Variants in AP2A2 observed in about 807,000 individuals in gnomAD.
AP2A2 encodes the protein adaptor related protein complex 2 subunit alpha 2.
AP2A2 carries 32 observed loss-of-function variants against 104.2 expected under a neutral mutation model. The ratio of observed to expected loss-of-function variants is 0.31; its 90% CI spans 0.23 to 0.41. AP2A2 has a LOEUF of 0.41. AP2A2 is among the 10% of genes least tolerant of loss of function. The pLI is 1.00. For missense variants in AP2A2, 912 were observed against 1,261.0 expected (o/e 0.72, Z 4.19); for synonymous variants, 539 against 533.3 (o/e 1.01, Z -0.15).
At chr11:973,622 C>T (rs898756267) in intron 4 of AP2A2, among the ~76,000 whole-genome samples, 6 of 151,904 alleles carry the variant, frequency 3.9e-5, no homozygotes, top group Admixed American at 6.6e-5. Flanking sequence ...AGCATGTGGG[C>T]GCCCCGAAAA....
At position 994,249 on chromosome 11, in the gene AP2A2, G is replaced by A. The variant is rs368546679; in HGVS notation, c.1956+4G>A. On this transcript the variant is annotated splice_donor_region_variant and intron_variant, in intron 14 of 21. Transcript: ENST00000448903. ...CCCAGCCAGTACCAGCGCCGTGGTG[G>A]GTCCCTCACCTACTGTGCACCCAGA... 1 of 1,612,614 alleles carries A rather than the reference G, an allele frequency of 6.2e-7. No individual in the cohort carries two copies. The highest frequency in any genetic ancestry group is 1.7e-5 in the Admixed American group (1 of 59,986).
At chr11:983,150 T>A (rs2133698625) in intron 6 of AP2A2, among the ~76,000 whole-genome samples, 1 of 150,408 alleles carries the variant, frequency 6.6e-6, no homozygotes, top group South Asian at 2.1e-4. Context: ...CCCGAGTAGC[T>A]GGGACTACAG....
intron 1 of AP2A2, among the ~76,000 whole-genome samples, chr11:943,869 G>A (rs1283209698): frequency 7.1e-6 from 1 of 139,972 alleles, no homozygotes; most frequent in Non-Finnish European, 1.5e-5. Context: ...GATGGCAAGA[G>A]TAAGAGAGTC....
intron 17 of AP2A2, 43 bp downstream of exon 17, chr11:1,006,660 G>A (rs1194616553): frequency 3.4e-6 from 5 of 1,485,044 alleles, no homozygotes; most frequent in South Asian, 1.2e-5. Context: ...ACAGCATAAT[G>A]TGGGGCTTAG....
chr11:934,687 C>T (rs1853395055), intron 1 of AP2A2, among the ~76,000 whole-genome samples: 1 of 152,010 alleles, frequency 6.6e-6, no homozygotes, highest in Non-Finnish European at 1.5e-5. Context: ...CTTTAAAATC[C>T]CTCTGATGGC....
chr11:992,333 C>G lies in AP2A2; in HGVS notation c.1270-170C>G, dbSNP rs1418556219. The stretch of plus-strand genomic sequence containing the variant: ...CTTAAGTCAGGGCATCTTAAACTTT[C>G]TGGGCTCGTGGGCTTTTTTGAGAAT... On this transcript the variant is annotated intron_variant, in intron 10 of 21. Coordinates refer to ENST00000448903, the MANE Select transcript of AP2A2 (RefSeq NM_012305.4). This position sits in a 1 kb window ranked among gnomAD's most constrained non-coding sequence, Gnocchi z 6.4. 7.2e-6 allele frequency: 5 copies of G among 698,176 alleles called. No homozygotes were observed. Among genetic ancestry groups the G allele is most frequent in the Non-Finnish European group, 1.2e-5 (5 of 409,776 alleles). 43.2% of individuals were successfully genotyped at this position (698,176 alleles called of 1,614,324 possible). A position where few individuals can be genotyped will look rare whatever the true frequency, so the allele number is the denominator to read the frequency against.
In AP2A2 at chr11:986,839, C is replaced by T. The variant is rs1374191461; in HGVS notation, c.1017C>T (p.His339=). The T allele has an allele frequency of 1.9e-6, 3 of 1,612,938 alleles. No homozygotes were observed. Among genetic ancestry groups the T allele is most frequent in the Non-Finnish European group, 2.5e-6 (3 of 1,179,712 alleles). Residue 339 remains histidine (H), a synonymous_variant, in exon 9 of 22, where the codon CAC becomes CAT. Transcript: ENST00000448903. ...ACNQLGQFLQ[H]RETNLRYLAL... is the part of the protein sequence containing the mutation. ...ACCAGTTGGGCCAGTTTCTGCAGCA[C>T]CGCGAGACCAACCTGCGCTACCTGG... is the stretch of plus-strand genomic sequence containing the variant.
intron 6 of AP2A2, among the ~76,000 whole-genome samples, chr11:983,243 C>T (rs551292074): frequency 1.3e-5 from 2 of 151,878 alleles, no homozygotes; most frequent in East Asian, 1.9e-4. Context: ...TGGTTGCGAA[C>T]TCCCGACCTC....
In AP2A2 at chr11:976,354, A is replaced by G. The variant is rs1855037847; in HGVS notation, c.474-741A>G. On this transcript the variant is annotated intron_variant, in intron 4 of 21. Transcript: ENST00000448903. ...AAGGTAAATGGTACAGGTAGTCCCTATACCCTTTTCTGCCTTCCATGTGGG... is the reference window on the plus strand; with the variant it reads ...AAGGTAAATGGTACAGGTAGTCCCTGTACCCTTTTCTGCCTTCCATGTGGG... 2.0e-5 allele frequency among the ~76,000 whole-genome samples: 3 copies of G among 152,234 alleles called. No individual in the cohort carries two copies. In the South Asian group the frequency reaches 6.2e-4, roughly 31 times the overall value.
chr11:977,816 G>C (rs1459359694), intron 5 of AP2A2, among the ~76,000 whole-genome samples: 1 of 152,036 alleles, frequency 6.6e-6, no homozygotes, highest in Non-Finnish European at 1.5e-5. Flanking sequence ...TGAATGAGAG[G>C]GTGAGAGTTG....
intron 4 of AP2A2, among the ~76,000 whole-genome samples, chr11:974,432 C>A (rs1226880583): frequency 6.6e-6 from 1 of 152,198 alleles, no homozygotes; most frequent in Non-Finnish European, 1.5e-5. Context: ...CGCATGTAAT[C>A]CCAGCACTTG....
intron 1 of AP2A2, among the ~76,000 whole-genome samples, chr11:953,137 C>G (rs1049723939): frequency 1.3e-5 from 2 of 152,196 alleles, no homozygotes; most frequent in Non-Finnish European, 2.9e-5. Flanking sequence ...CATCCGTCAT[C>G]TCAGCCATGG....
chr11:1,000,340 G>T, intron 14 of AP2A2, 92 bp from the exon 15 acceptor site: 1 of 1,298,462 alleles, frequency 7.7e-7, no homozygotes, highest in Non-Finnish European at 1.1e-6. Context: ...TGCCAAGGGG[G>T]TGCCATGGGG....
intron 6 of AP2A2, among the ~76,000 whole-genome samples, chr11:982,278 T>G (rs950832383): frequency 6.6e-6 from 1 of 152,214 alleles, no homozygotes; most frequent in African/African-American, 2.4e-5. Flanking sequence ...CTTGAACTCC[T>G]GACCTCAAGC....
intron 15 of AP2A2, among the ~76,000 whole-genome samples, chr11:1,001,833 A>G (rs1390032313): frequency 1.3e-5 from 2 of 152,044 alleles, no homozygotes; most frequent in Non-Finnish European, 2.9e-5. Context: ...GCCCTTGTGC[A>G]CGCCTCACAT....
chr11:1,011,371 C>T lies in AP2A2; in HGVS notation c.*746C>T, dbSNP rs753355711. On this transcript the variant is annotated 3_prime_UTR_variant, in exon 22 of 22. Coordinates refer to ENST00000448903, the MANE Select transcript of AP2A2 (RefSeq NM_012305.4). ...TCCAGGGTAAAGTGTGGGCCGGTGG[C>T]GCAAGACTCAGAGGTGTGCTCGTCT... 16 of 517,872 alleles carry T rather than the reference C, an allele frequency of 3.1e-5. No homozygotes were observed. The highest frequency in any genetic ancestry group is 3.2e-4 in the Middle Eastern group (1 of 3,130). 32.1% of individuals were successfully genotyped at this position (517,872 alleles called of 1,614,324 possible).
At chr11:971,006 T>A (rs1475106701) in intron 3 of AP2A2, among the ~76,000 whole-genome samples, 1 of 152,236 alleles carries the variant, frequency 6.6e-6, no homozygotes, top group Non-Finnish European at 1.5e-5. Context: ...TAAAGTAATA[T>A]TTTCTTCCAT....
chr11:952,968 A>G (rs764649601), intron 1 of AP2A2, among the ~76,000 whole-genome samples: 4 of 152,196 alleles, frequency 2.6e-5, no homozygotes, highest in Non-Finnish European at 5.9e-5. Flanking sequence ...GCTCCTTTAC[A>G]GGAGAGCCCC....
At chr11:930,465 C>CT (rs981734378) in intron 1 of AP2A2, among the ~76,000 whole-genome samples, 7 of 151,298 alleles carry the variant, frequency 4.6e-5, no homozygotes, top group South Asian at 2.1e-4. Context: ...TAAACTGTTT[C>CT]TTTTTTTTTA....
Sources: gnomAD v4.1 joint callset for allele counts (sites outside exome capture counted in the v4.1 genomes callset) on GRCh38, gnomAD v4.1.1 for gene constraint, Gnocchi (gnomAD v3.1) non-coding constraint, MANE v1.5 for transcripts, NCBI Gene and HGNC (gene_info 2026-07-23, HGNC 2026-07-21) for gene names.